The following C6 variants were observed in gnomAD, a reference collection of about 807,000 sequenced individuals.
C6 encodes the protein complement component C6.
In C6, 101 loss-of-function variants were observed where a neutral mutation model predicts 112.9. That is an observed-to-expected ratio of 0.89 (90% confidence interval 0.76 to 1.06). The LOEUF (loss-of-function observed/expected upper bound fraction) is 1.06. C6 is among the 50% of genes least tolerant of loss of function. The probability of loss-of-function intolerance (pLI) is 0.00; values close to 1 mark genes in which losing one functional copy is unlikely to be tolerated. For missense variants in C6, 1,202 were observed against 1,104.6 expected (o/e 1.09, Z -1.25); for synonymous variants, 431 against 384.1 (o/e 1.12, Z -1.43).
chr5:41,190,175 G>A (rs1750086805), intron 5 of C6, among the ~76,000 whole-genome samples: 1 of 152,088 alleles, frequency 6.6e-6, no homozygotes. Flanking sequence ...TAGTTTTTTT[G>A]AGGAATCTCC....
At position 41,149,974 on chromosome 5, in the gene C6, C is replaced by A. The variant is rs1454191182; in HGVS notation, c.2342G>T (p.Gly781Val). Residue 781 changes from glycine to valine, a missense_variant, in exon 16 of 18, where the codon GGA becomes GTA. By Grantham distance (109) the Gly-to-Val change is moderately radical. Coordinates refer to ENST00000337836, the MANE Select transcript of C6 (RefSeq NM_000065.5). ...TGGAGACATACAAATGCATTCAGAT[C>A]CTGATTGTTTCTGTCCCAGCTGACA... The part of the protein sequence containing the change: ...GHCQLGQKQS[G>V]SECICMSPEE... 1.9e-6 allele frequency: 3 copies of A among 1,613,148 alleles called. No homozygotes were observed. Among genetic ancestry groups the A allele is most frequent in the Non-Finnish European group, 2.5e-6 (3 of 1,179,274 alleles).
chr5:41,177,922 C>T (rs552204495), intron 7 of C6, among the ~76,000 whole-genome samples: 1 of 152,240 alleles, frequency 6.6e-6, no homozygotes, highest in African/African-American at 2.4e-5. Context: ...CCATAGTTTT[C>T]AAAAGTTGGA....
At chr5:41,229,071 T>A (rs895107371) in intron 1 of C6, among the ~76,000 whole-genome samples, 4 of 152,048 alleles carry the variant, frequency 2.6e-5, no homozygotes, top group Non-Finnish European at 5.9e-5. Context: ...GCCAAGATAG[T>A]GCCACTGCAC....
chr5:41,176,384 C>G (rs1748846179), intron 8 of C6, 91 bp downstream of exon 8: 6 of 1,322,030 alleles, frequency 4.5e-6, no homozygotes, highest in Admixed American at 1.8e-5. Flanking sequence ...TAAATAAAGT[C>G]AAAGCAGAAT....
chr5:41,224,010 A>C (rs1227243090), intron 1 of C6, among the ~76,000 whole-genome samples: 4 of 152,168 alleles, frequency 2.6e-5, no homozygotes. Flanking sequence ...TCACATCTGG[A>C]AATAATGTCA....
intron 1 of C6, among the ~76,000 whole-genome samples, chr5:41,254,698 A>C (rs1336324607): frequency 1.3e-5 from 2 of 152,234 alleles, no homozygotes; most frequent in Non-Finnish European, 2.9e-5. Flanking sequence ...CCCTATAGAA[A>C]GGAAATCATA....
intron 8 of C6, 64 bp downstream of exon 8, chr5:41,176,411 T>A: frequency 2.6e-6 from 4 of 1,516,004 alleles, no homozygotes; most frequent in Non-Finnish European, 3.6e-6. Flanking sequence ...AATGATAGAG[T>A]AAGAGAAAAA....
intron 1 of C6, among the ~76,000 whole-genome samples, chr5:41,260,143 G>C (rs1741955789): frequency 6.6e-6 from 1 of 152,108 alleles, no homozygotes; most frequent in Admixed American, 6.6e-5. Flanking sequence ...AAGTAATTCA[G>C]ATGAATATTT....
intron 9 of C6, among the ~76,000 whole-genome samples, chr5:41,170,977 A>G (rs140362735): frequency 1.3e-5 from 2 of 152,164 alleles, no homozygotes; most frequent in Non-Finnish European, 2.9e-5. Flanking sequence ...ACATGTTCTA[A>G]GTATGAAGGT....
chr5:41,217,630 CTT>C (rs1028053815), upstream of C6, among the ~76,000 whole-genome samples: 5 of 152,040 alleles, frequency 3.3e-5, no homozygotes, highest in African/African-American at 1.2e-4. Flanking sequence ...GGAATAAACT[CTT>C]TGGTGATTCT....
At chr5:41,146,185 G>A (rs564343691) in intron 17 of C6, among the ~76,000 whole-genome samples, 4 of 152,174 alleles carry the variant, frequency 2.6e-5, no homozygotes, top group East Asian at 3.9e-4. Flanking sequence ...CGTTCCTGTC[G>A]GTTGGTGGTA....
Position 41,142,749 on chromosome 5 carries a change from A to C in C6, c.*76T>G. ...GAGCATGCCAGTCTGCTGTTTGTGC[A>C]AGAATTCTCATTTGTAGGAGTTGGT... On this transcript the variant is annotated 3_prime_UTR_variant, in exon 18 of 18. Transcript: ENST00000337836. The C allele has an allele frequency of 2.6e-6, 3 of 1,162,298 alleles. No homozygotes were observed. Among genetic ancestry groups the C allele is most frequent in the Non-Finnish European group, 3.9e-6 (3 of 770,034 alleles). The allele number at this position is 1,162,298 out of a possible 1,614,324, so 72.0% of individuals were successfully genotyped here.
intron 1 of C6, among the ~76,000 whole-genome samples, chr5:41,212,496 ATT>A (rs1347159744): frequency 6.6e-6 from 1 of 152,036 alleles, no homozygotes; most frequent in African/African-American, 2.4e-5. Flanking sequence ...ACTTCTCTGA[ATT>A]TTTTTGTTAT....
chr5:41,175,912 A>C (rs1345497299), intron 8 of C6, among the ~76,000 whole-genome samples: 2 of 152,204 alleles, frequency 1.3e-5, no homozygotes, highest in African/African-American at 4.8e-5. Flanking sequence ...TTTTGCATTT[A>C]GTTTCAGGTT....
chr5:41,257,719 G>A (rs1179311391), intron 1 of C6, among the ~76,000 whole-genome samples: 2 of 152,032 alleles, frequency 1.3e-5, no homozygotes, highest in Non-Finnish European at 2.9e-5. Context: ...CACATACTCT[G>A]CCCTCCCTGT....
At chr5:41,199,451 C>A (rs1350230055) in intron 4 of C6, among the ~76,000 whole-genome samples, 1 of 152,156 alleles carries the variant, frequency 6.6e-6, no homozygotes, top group African/African-American at 2.4e-5. Context: ...CATCTCTAGT[C>A]ATCTTCCAAC....
intron 6 of C6, among the ~76,000 whole-genome samples, chr5:41,185,306 A>G (rs1470808026): frequency 6.6e-6 from 1 of 152,210 alleles, no homozygotes; most frequent in Non-Finnish European, 1.5e-5. Flanking sequence ...GTCTTTTTAA[A>G]GGAAGGATTA....
At position 41,205,755 on chromosome 5, in the gene C6, A is replaced by T. The variant is rs1187158953; in HGVS notation, c.-20-2505T>A. 2.0e-5 allele frequency among the ~76,000 whole-genome samples: 3 copies of T among 152,202 alleles called. No individual in the cohort carries two copies. The East Asian group carries it at 5.8e-4, about 29-fold the overall frequency. Reference sequence around the variant, plus strand: ...ACCTGGTGGAGCCCACCACAGCTCAAGGAGGCCTGCCTGCCTCTGTAGACT... The same window carrying T: ...ACCTGGTGGAGCCCACCACAGCTCATGGAGGCCTGCCTGCCTCTGTAGACT... On this transcript the variant is annotated intron_variant, in intron 1 of 17. Transcript: ENST00000337836.
chr5:41,223,180 C>T (rs1223020933), intron 1 of C6, among the ~76,000 whole-genome samples: 1 of 152,070 alleles, frequency 6.6e-6, no homozygotes, highest in Admixed American at 6.6e-5. Flanking sequence ...TAGAGATTAA[C>T]AGGTATTGTT....
Sources: allele counts gnomAD v4.1 joint callset (sites outside exome capture counted in the v4.1 genomes callset), GRCh38; gene constraint gnomAD v4.1.1; transcripts MANE v1.5; gene names NCBI Gene and HGNC (gene_info 2026-07-23, HGNC 2026-07-21).